The following PDE8A variants were observed in gnomAD, a reference collection of about 807,000 sequenced individuals.
PDE8A encodes the protein phosphodiesterase 8A, also known as high affinity cAMP-specific and IBMX-insensitive 3',5'-cyclic phosphodiesterase 8A.
Under a neutral mutation model 105.0 loss-of-function variants are expected in PDE8A, and 59 were observed. The ratio of observed to expected loss-of-function variants is 0.56; its 90% CI spans 0.46 to 0.70. The LOEUF is 0.70. Among genes scored for constraint, PDE8A ranks in the 30% least tolerant of loss-of-function variants. PDE8A has a pLI of 0.00. For missense variants in PDE8A, 1,014 were observed against 1,045.9 expected (o/e 0.97, Z 0.42); for synonymous variants, 355 against 371.9 (o/e 0.95, Z 0.52).
chr15:85,137,857 G>C lies in PDE8A; in HGVS notation c.2444G>C (p.Gly815Ala). The change falls in exon 22 of 22, where the codon GGA becomes GCA. Residue 815 changes from glycine to alanine, a missense_variant. Transcript: ENST00000394553. ...HLDNNFKYWKGLDEMKLRNLR... is the reference protein window; with the variant it reads ...HLDNNFKYWKALDEMKLRNLR... Reference sequence around the variant, plus strand: ...GACAACAACTTTAAATACTGGAAAGGACTGGACGAAATGAAGCTGCGGAAC... The same window carrying C: ...GACAACAACTTTAAATACTGGAAAGCACTGGACGAAATGAAGCTGCGGAAC... 1 of 1,613,828 alleles carries C rather than the reference G, an allele frequency of 6.2e-7. No homozygotes were observed. The highest frequency in any genetic ancestry group is 8.5e-7 in the Non-Finnish European group (1 of 1,179,712).
chr15:84,992,275 T>C (rs1450742874), intron 1 of PDE8A, among the ~76,000 whole-genome samples: 1 of 151,860 alleles, frequency 6.6e-6, no homozygotes, highest in East Asian at 1.9e-4. Context: ...TCATAAGGTA[T>C]AGAAAGAGGA....
At chr15:84,981,324 C>G (rs2079703680), upstream of PDE8A, among the ~76,000 whole-genome samples, 1 of 152,212 alleles carries the variant, frequency 6.6e-6, no homozygotes, top group African/African-American at 2.4e-5. Flanking sequence ...CCAGCACCCG[C>G]TGGAGGTCAC....
At chr15:85,127,958 A>G (rs913693760) in intron 20 of PDE8A, among the ~76,000 whole-genome samples, 4 of 151,880 alleles carry the variant, frequency 2.6e-5, no homozygotes, top group Admixed American at 2.0e-4. Context: ...ATGGGACAGA[A>G]TAGAAATCCA....
intron 4 of PDE8A, 96 bp from the exon 5 acceptor site, chr15:85,076,637 T>G: frequency 1.3e-6 from 1 of 782,978 alleles, no homozygotes; most frequent in South Asian, 1.4e-5. Context: ...AAAGTACTCA[T>G]TACATAACGA....
rs2082456202 is a variant in PDE8A at position 85,138,813 on chromosome 15, C to A, written c.*910C>A. 1 of 152,170 alleles carries A rather than the reference C, an allele frequency of 6.6e-6. No homozygotes were observed. Among genetic ancestry groups the A allele is most frequent in the Non-Finnish European group, 1.5e-5 (1 of 68,022 alleles). The allele number at this position is 152,170 out of a possible 1,614,324, so 9.4% of individuals were successfully genotyped here. A position where few individuals can be genotyped will look rare whatever the true frequency, so the allele number is the denominator to read the frequency against. On this transcript the variant is annotated 3_prime_UTR_variant, in exon 22 of 22. Coordinates refer to ENST00000394553, the MANE Select transcript of PDE8A (RefSeq NM_002605.3). ...GTTGGTTCGCAAAGAAAAGTTAGGA[C>A]TTAACACTTTTTTCTAAAATTTTAT...
chr15:85,133,661 A>T (rs1229929924), intron 20 of PDE8A, among the ~76,000 whole-genome samples: 1 of 152,140 alleles, frequency 6.6e-6, no homozygotes, highest in Non-Finnish European at 1.5e-5. Flanking sequence ...GGAGCTTCCT[A>T]GTCCCCCATA....
intron 1 of PDE8A, among the ~76,000 whole-genome samples, chr15:85,050,403 T>C (rs2080954466): frequency 6.6e-6 from 1 of 152,182 alleles, no homozygotes; most frequent in Non-Finnish European, 1.5e-5. Context: ...TCTAGTGTTG[T>C]GAAGATTTTG....
Position 85,122,110 on chromosome 15 carries a change from C to T in PDE8A, c.1953-951C>T, listed in dbSNP as rs973075100. Among the ~76,000 whole-genome samples the T allele has an allele frequency of 9.9e-5, 15 of 152,244 alleles. 1 individual carries two copies. The highest frequency in any genetic ancestry group is 5.9e-4 in the Admixed American group (9 of 15,278). On this transcript the variant is annotated intron_variant, in intron 18 of 21. Transcript: ENST00000394553. ...TTACATGTCACTTCCTTGGGGAAGC[C>T]TTCCCTGATCTCTCATGCTAAGTTT...
chr15:85,057,539 T>TA (rs1338644319), intron 1 of PDE8A, among the ~76,000 whole-genome samples: 2 of 152,132 alleles, frequency 1.3e-5, no homozygotes, highest in African/African-American at 4.8e-5. Flanking sequence ...GGGCTGCACT[T>TA]ACTGTCCGAC....
chr15:85,101,754 A>G (rs1340122076), intron 11 of PDE8A, among the ~76,000 whole-genome samples: 1 of 152,216 alleles, frequency 6.6e-6, no homozygotes, highest in African/African-American at 2.4e-5. Context: ...AAGAGAGAAG[A>G]GAGACCAGAT....
At chr15:85,046,069 T>C (rs1031329340) in intron 1 of PDE8A, among the ~76,000 whole-genome samples, 4 of 149,160 alleles carry the variant, frequency 2.7e-5, no homozygotes, top group Admixed American at 2.0e-4. Flanking sequence ...CTGTTTCTTT[T>C]TTTTTTTTTT....
At chr15:85,008,556 T>G (rs1170771317) in intron 1 of PDE8A, among the ~76,000 whole-genome samples, 2 of 152,102 alleles carry the variant, frequency 1.3e-5, no homozygotes, top group Non-Finnish European at 2.9e-5. Flanking sequence ...CACATTCCCA[T>G]TTTAAATTCT....
At chr15:85,068,399 G>A (rs935220516) in intron 3 of PDE8A, among the ~76,000 whole-genome samples, 8 of 152,114 alleles carry the variant, frequency 5.3e-5, no homozygotes, top group Non-Finnish European at 1.2e-4. Flanking sequence ...ATTCATGGGG[G>A]ATTGCAGCCC....
rs368758107 is a variant in PDE8A at position 85,114,384 on chromosome 15, C to A, written c.1350+347C>A. Among the ~76,000 whole-genome samples, 7 of 152,176 alleles carry A rather than the reference C, an allele frequency of 4.6e-5. No individual in the cohort carries two copies. The East Asian group carries it at 9.6e-4, about 21-fold the overall frequency. On this transcript the variant is annotated intron_variant, in intron 14 of 21. Coordinates refer to ENST00000394553, the MANE Select transcript of PDE8A (RefSeq NM_002605.3). ...TCTTCAAAACTGGGACAGTGTAGAA[C>A]AGAAAGATTGTCTTTCTCCCGCCAT...
chr15:85,012,500 A>G (rs538671985), intron 1 of PDE8A, among the ~76,000 whole-genome samples: 39 of 140,188 alleles, frequency 2.8e-4, no homozygotes, highest in African/African-American at 9.6e-4. Context: ...TTGAACAATG[A>G]GAACACATGG....
chr15:85,003,396 C>A (rs908532035), intron 1 of PDE8A, among the ~76,000 whole-genome samples: 2 of 152,132 alleles, frequency 1.3e-5, no homozygotes, highest in Admixed American at 6.5e-5. Flanking sequence ...CCAAGATGGG[C>A]CTGGCTTGGA....
chr15:85,028,452 T>C (rs939583549), intron 1 of PDE8A, among the ~76,000 whole-genome samples: 5 of 152,252 alleles, frequency 3.3e-5, no homozygotes, highest in Admixed American at 6.5e-5. Flanking sequence ...TGGCCTCAAG[T>C]GATCCTCCTT....
At chr15:85,073,187 G>T (rs1276234614) in intron 3 of PDE8A, among the ~76,000 whole-genome samples, 1 of 152,244 alleles carries the variant, frequency 6.6e-6, no homozygotes, top group South Asian at 2.1e-4. Flanking sequence ...CTACAGGATC[G>T]CACTCCATCT....
chr15:85,132,320 A>G (rs1304905338), intron 20 of PDE8A, among the ~76,000 whole-genome samples: 2 of 151,820 alleles, frequency 1.3e-5, no homozygotes, highest in South Asian at 4.2e-4. Context: ...TTTTTGCTGA[A>G]CTCATAAGAT....
Sources: allele counts gnomAD v4.1 joint callset (sites outside exome capture counted in the v4.1 genomes callset), GRCh38; gene constraint gnomAD v4.1.1; transcripts MANE v1.5; gene names NCBI Gene and HGNC (gene_info 2026-07-23, HGNC 2026-07-21).